Variants in OR1J2 observed in about 807,000 individuals in gnomAD.
OR1J2 encodes olfactory receptor family 1 subfamily J member 2.
For synonymous variants in OR1J2, 142 were observed against 99.7 expected (o/e 1.42, Z -2.52); for missense variants, 304 against 246.1 (o/e 1.24, Z -1.57).
chr9:122,480,727 G>A, the OR1J2 span, among the ~76,000 whole-genome samples: 1 of 151,976 alleles, frequency 6.6e-6, no homozygotes, highest in Admixed American at 6.6e-5. Flanking sequence ...ATTAAGCTTA[G>A]TACCCATTCG....
the OR1J2 span, among the ~76,000 whole-genome samples, chr9:122,466,459 G>T: frequency 7.9e-5 from 12 of 152,184 alleles, no homozygotes; most frequent in African/African-American, 2.9e-4. Context: ...TTCTCAGCTT[G>T]TCAAAAGAGT....
At chr9:122,498,311 G>C in the OR1J2 span, among the ~76,000 whole-genome samples, 1 of 151,934 alleles carries the variant, frequency 6.6e-6, no homozygotes, top group Admixed American at 6.5e-5. Flanking sequence ...CAAGGACTTT[G>C]CTCATTAAAA....
chr9:122,470,373 G>A, the OR1J2 span, among the ~76,000 whole-genome samples: 1 of 152,238 alleles, frequency 6.6e-6, no homozygotes, highest in Non-Finnish European at 1.5e-5. Flanking sequence ...TGTTGAGCCT[G>A]TGGGTGCACA....
At chr9:122,472,992 G>A in the OR1J2 span, among the ~76,000 whole-genome samples, 2 of 152,164 alleles carry the variant, frequency 1.3e-5, no homozygotes, top group Non-Finnish European at 2.9e-5. Flanking sequence ...GAAGCAGGTG[G>A]CATCTGTTTC....
chr9:122,529,529 G>A, the OR1J2 span, among the ~76,000 whole-genome samples: 1 of 152,164 alleles, frequency 6.6e-6, no homozygotes, highest in East Asian at 1.9e-4. Context: ...TCAAAAAAGG[G>A]TCCAAAGCAG....
chr9:122,482,504 A>G, the OR1J2 span, among the ~76,000 whole-genome samples: 2 of 152,230 alleles, frequency 1.3e-5, no homozygotes, highest in Non-Finnish European at 1.5e-5. Context: ...TGATCCAGCA[A>G]TCTCACTACT....
chr9:122,534,165 T>G, the OR1J2 span, among the ~76,000 whole-genome samples: 1 of 152,244 alleles, frequency 6.6e-6, no homozygotes, highest in Middle Eastern at 3.4e-3. Context: ...TGGAAGTTCT[T>G]GTGTGCTGGA....
downstream of OR1J2, chr9:122,511,746 T>C (rs1303035625): frequency 1.3e-6 from 1 of 779,992 alleles, no homozygotes; most frequent in Non-Finnish European, 2.4e-6. Flanking sequence ...CTTGGTGACA[T>C]CTGACTTTTT....
chr9:122,455,880 A>G, the OR1J2 span, among the ~76,000 whole-genome samples: 10 of 152,266 alleles, frequency 6.6e-5, no homozygotes, highest in Non-Finnish European at 1.2e-4. Flanking sequence ...TATCCTATGA[A>G]GTAAGGGCTC....
the OR1J2 span, among the ~76,000 whole-genome samples, chr9:122,559,838 A>G: frequency 6.6e-5 from 10 of 152,246 alleles, no homozygotes; most frequent in African/African-American, 2.4e-4. Flanking sequence ...GTCGACGTTT[A>G]TTAGGTCTAC....
chr9:122,458,169 T>C, the OR1J2 span, among the ~76,000 whole-genome samples: 1 of 152,226 alleles, frequency 6.6e-6, no homozygotes, highest in Admixed American at 6.5e-5. Flanking sequence ...GTGCTTTTAG[T>C]GTCCACAATT....
upstream of OR1J2, among the ~76,000 whole-genome samples, chr9:122,506,990 C>G (rs1036010834): frequency 1.3e-5 from 2 of 152,152 alleles, no homozygotes; most frequent in African/African-American, 2.4e-5. Context: ...CAAAATGTGT[C>G]CTTCATTGGC....
chr9:122,470,716 G>C, the OR1J2 span, among the ~76,000 whole-genome samples: 1 of 152,176 alleles, frequency 6.6e-6, no homozygotes, highest in African/African-American at 2.4e-5. Context: ...GGGGAGGGAG[G>C]CTGTACCCTG....
chr9:122,457,574 C>A, the OR1J2 span, among the ~76,000 whole-genome samples: 3 of 149,658 alleles, frequency 2.0e-5, no homozygotes, highest in Non-Finnish European at 3.0e-5. Flanking sequence ...ATGGCCCATT[C>A]ATGGGAAAAA....
chr9:122,498,071 T>A, the OR1J2 span, among the ~76,000 whole-genome samples: 64 of 152,170 alleles, frequency 4.2e-4, no homozygotes, highest in Non-Finnish European at 5.9e-4. Context: ...TTTTTTTTTT[T>A]TTATTATTGA....
the OR1J2 span, chr9:122,477,101 C>T: frequency 1.9e-6 from 3 of 1,613,730 alleles, no homozygotes; most frequent in African/African-American, 2.7e-5. Flanking sequence ...GTGTATATCA[C>T]TGAAGCAATT....
At chr9:122,561,407 G>A in the OR1J2 span, among the ~76,000 whole-genome samples, 11 of 152,174 alleles carry the variant, frequency 7.2e-5, no homozygotes, top group South Asian at 2.1e-4. Context: ...TCATTTGGAG[G>A]AGAAAAGGCA....
the OR1J2 span, among the ~76,000 whole-genome samples, chr9:122,470,367 G>C: frequency 6.6e-6 from 1 of 152,210 alleles, no homozygotes; most frequent in Non-Finnish European, 1.5e-5. Context: ...ATGTGGTGTT[G>C]AGCCTGTGGG....
chr9:122,528,637 C>T, the OR1J2 span, among the ~76,000 whole-genome samples: 1 of 152,062 alleles, frequency 6.6e-6, no homozygotes, highest in Non-Finnish European at 1.5e-5. Context: ...ATAATCCCTA[C>T]CTCAGACCTG....
Sources: gnomAD v4.1 joint callset for allele counts (sites outside exome capture counted in the v4.1 genomes callset) on GRCh38, gnomAD v4.1.1 for gene constraint, MANE v1.5 for transcripts, NCBI Gene and HGNC (gene_info 2026-07-23, HGNC 2026-07-21) for gene names.